The following TRPM2 variants were observed in gnomAD, a reference collection of about 807,000 sequenced individuals.
TRPM2 encodes transient receptor potential cation channel subfamily M member 2.
A neutral mutation model predicts 174.0 loss-of-function variants in TRPM2; 161 were observed. That is an observed-to-expected ratio of 0.93 (90% CI 0.81 to 1.05). The LOEUF (loss-of-function observed/expected upper bound fraction) is 1.05, where lower values mean the gene tolerates loss of function less well. Among genes scored for constraint, TRPM2 ranks in the 50% least tolerant of loss-of-function variants. The pLI is 0.00. For synonymous variants in TRPM2, 954 were observed against 861.3 expected (o/e 1.11, Z -1.88); for missense variants, 2,057 against 2,038.0 (o/e 1.01, Z -0.18).
intron 6 of TRPM2, among the ~76,000 whole-genome samples, chr21:44,377,004 A>G (rs2048722486): frequency 6.6e-6 from 1 of 150,850 alleles, no homozygotes; most frequent in African/African-American, 2.5e-5. Flanking sequence ...TTCAGGGACC[A>G]GGGACCACAC....
Position 44,424,911 on chromosome 21 carries a change from CA to C in TRPM2, c.3610del (p.Ser1204AlafsTer37). On this transcript the variant is annotated frameshift_variant, in exon 24 of 32. Transcript: ENST00000397928. LOFTEE classifies it high-confidence loss of function. ...TGAGGACGCTGCGGGCCAGCGGCTT[CA>C]GCTCGGAGGCGGACGTCCCCACTCT... ...IVRTLRASGF[S>X]SEADVPTLAS... 6.2e-7 allele frequency: 1 copy of C among 1,607,724 alleles called. No individual in the cohort carries two copies. The highest frequency in any genetic ancestry group is 8.5e-7 in the Non-Finnish European group (1 of 1,178,594).
Position 44,391,621 on chromosome 21 carries a change from T to C in TRPM2, c.1790T>C (p.Leu597Pro), listed in dbSNP as rs1490649547. 2 of 1,571,920 alleles carry C rather than the reference T, an allele frequency of 1.3e-6. No homozygotes were observed. The highest frequency in any genetic ancestry group is 1.7e-6 in the Non-Finnish European group (2 of 1,165,598). The change falls in exon 11 of 32, where the codon CTC (leucine) becomes CCC (proline). Residue 597 changes from leucine (L) to proline (P), a missense_variant. By Grantham distance (98) the Leu-to-Pro change is moderately conservative. Coordinates refer to ENST00000397928, the MANE Select transcript of TRPM2 (RefSeq NM_003307.4). This position sits in a 1 kb window ranked among gnomAD's most constrained non-coding sequence, Gnocchi z 5.0. Reference sequence around the variant, plus strand: ...CTGCTGCCCGTTCCCCACGTCAAGCTCAACGTGCGTGCTGGTAACGGGGCC... The same window carrying C: ...CTGCTGCCCGTTCCCCACGTCAAGCCCAACGTGCGTGCTGGTAACGGGGCC... ...RLLLPVPHVK[L>P]NVQGVSLRSL...
chr21:44,372,359 G>T (rs915198569), intron 5 of TRPM2, among the ~76,000 whole-genome samples: 3 of 152,022 alleles, frequency 2.0e-5, no homozygotes, highest in African/African-American at 7.2e-5. Context: ...AGCCGGGCAT[G>T]GTGGTAGGCG....
At chr21:44,408,558 T>C (rs975014813) in intron 19 of TRPM2, among the ~76,000 whole-genome samples, 5 of 151,858 alleles carry the variant, frequency 3.3e-5, no homozygotes, top group African/African-American at 1.2e-4. Context: ...TTGACGGGCA[T>C]TTCTCTAAGG....
chr21:44,396,577 C>A (rs1282402163), intron 12 of TRPM2, among the ~76,000 whole-genome samples: 3 of 17,404 alleles, frequency 1.7e-4, no homozygotes. Flanking sequence ...GGTGTGGAGG[C>A]TGTGGAGGGG....
intron 20 of TRPM2, 34 bp downstream of exon 20, chr21:44,414,108 G>A: frequency 6.3e-7 from 1 of 1,593,596 alleles, no homozygotes; most frequent in Non-Finnish European, 8.6e-7. Flanking sequence ...GTGCAGGTGG[G>A]TGGGTGGGCG....
rs568928112 is a variant in TRPM2 at position 44,366,966 on chromosome 21, C to A, written c.604+32C>A. 7.8e-6 allele frequency: 12 copies of A among 1,544,932 alleles called. No individual in the cohort carries two copies. Among genetic ancestry groups the A allele is most frequent in the Non-Finnish European group, 2.6e-6 (3 of 1,142,740 alleles). ...CGGAGGCTGGAGGGACACGAGGCCCCGGCGGGTGGGGTGGGCTGTGGAGGC... is the reference window on the plus strand; with the variant it reads ...CGGAGGCTGGAGGGACACGAGGCCCAGGCGGGTGGGGTGGGCTGTGGAGGC... On this transcript the variant is annotated intron_variant, in intron 4 of 31. Transcript: ENST00000397928. The surrounding 1 kb of genome is among the most constrained non-coding windows in gnomAD (Gnocchi z 6.0).
intron 27 of TRPM2, 147 bp from the exon 28 acceptor site, chr21:44,434,984 G>A: frequency 1.4e-6 from 1 of 730,208 alleles, no homozygotes; most frequent in South Asian, 1.8e-5. Context: ...TACTCCCTAG[G>A]CCAGAGCAGG....
At chr21:44,353,951 G>T in intron 1 of TRPM2, 86 bp downstream of exon 1, 1 of 1,486,984 alleles carries the variant, frequency 6.7e-7, no homozygotes, top group East Asian at 2.7e-5. Flanking sequence ...CTGTGACGAC[G>T]GGGGTGGGAA....
chr21:44,441,674 G>A lies in TRPM2; in HGVS notation c.4387-18G>A. 6.2e-7 allele frequency: 1 copy of A among 1,601,468 alleles called. No individual in the cohort carries two copies. The highest frequency in any genetic ancestry group is 1.3e-5 in the African/African-American group (1 of 74,976). ...GCAGGGCTGGCGGGGAGGGTCAGCT[G>A]TGCCCTTGTTCTTCCAGAACCTGCA... On this transcript the variant is annotated intron_variant, in intron 31 of 31. Coordinates refer to ENST00000397928, the MANE Select transcript of TRPM2 (RefSeq NM_003307.4).
At chr21:44,398,536 G>C (rs2146270952) in intron 13 of TRPM2, among the ~76,000 whole-genome samples, 1 of 151,792 alleles carries the variant, frequency 6.6e-6, no homozygotes, top group East Asian at 1.9e-4. Flanking sequence ...TGGTGGGTAG[G>C]GGGCCAGGCA....
At chr21:44,390,880 C>T (rs775259841) in intron 9 of TRPM2, 24 bp from the exon 10 acceptor site, 24 of 1,613,646 alleles carry the variant, frequency 1.5e-5, no homozygotes, top group Non-Finnish European at 2.0e-5. Context: ...GATCGAGGCC[C>T]AATATGCACC....
At position 44,391,089 on chromosome 21, in the gene TRPM2, C is replaced by T; in HGVS notation, c.1440+64C>T. 6.2e-7 allele frequency: 1 copy of T among 1,603,808 alleles called. No homozygotes were observed. The highest frequency in any genetic ancestry group is 2.2e-5 in the East Asian group (1 of 44,686). ...GCCCACATGCATTGCACCACTGAAG[C>T]AAGGGCAGGCAAAGTTCGCATTGTC... On this transcript the variant is annotated intron_variant, in intron 10 of 31. Coordinates refer to ENST00000397928, the MANE Select transcript of TRPM2 (RefSeq NM_003307.4). The surrounding 1 kb of genome is among the most constrained non-coding windows in gnomAD (Gnocchi z 5.0).
In TRPM2 at chr21:44,418,099, A is replaced by C. The variant is rs931513249; in HGVS notation, c.3319A>C (p.Lys1107Gln). 6.2e-7 allele frequency: 1 copy of C among 1,611,120 alleles called. No individual in the cohort carries two copies. The highest frequency in any genetic ancestry group is 1.3e-5 in the African/African-American group (1 of 74,920). The change falls in exon 21 of 32, where the codon AAG (lysine) becomes CAG (glutamine). Residue 1107 changes from lysine to glutamine, a missense_variant. Transcript: ENST00000397928. ...CCTGAAGACTCCGGCCAAGAGGCAC[A>C]AGCAGCTCAGTATGCCAGCCCCAGT... Reference protein sequence around the residue: ...VVLKTPAKRHKQLKNKLEKNE... With the variant: ...VVLKTPAKRHQQLKNKLEKNE...
chr21:44,426,582 A>G, intron 25 of TRPM2, 78 bp from the exon 26 acceptor site: 1 of 1,458,562 alleles, frequency 6.9e-7, no homozygotes, highest in Admixed American at 1.7e-5. Context: ...CCAGCTGAGC[A>G]GCCCTTTCAC....
intron 19 of TRPM2, among the ~76,000 whole-genome samples, chr21:44,413,304 C>T (rs1429007712): frequency 1.3e-5 from 2 of 149,212 alleles, no homozygotes; most frequent in East Asian, 2.0e-4. Flanking sequence ...AATGAGGCAA[C>T]CTCGGCTCAC....
At position 44,413,392 on chromosome 21, in the gene TRPM2, G is replaced by A. The variant is rs45448999; in HGVS notation, c.2963-499G>A. The stretch of plus-strand genomic sequence containing the variant: ...CGAGTAGCTGGGATTATAGGCGCCC[G>A]CCACCATGCCTGGCTAATTTTTGTA... On this transcript the variant is annotated intron_variant, in intron 19 of 31. Coordinates refer to ENST00000397928, the MANE Select transcript of TRPM2 (RefSeq NM_003307.4). Among the ~76,000 whole-genome samples, 771 of 151,994 alleles carry A rather than the reference G, an allele frequency of 5.1e-3. 9 individuals carry two copies. The highest frequency in any genetic ancestry group is 0.016 in the African/African-American group (679 of 41,450).
intron 2 of TRPM2, among the ~76,000 whole-genome samples, chr21:44,360,813 T>C (rs1444725323): frequency 1.3e-5 from 2 of 152,088 alleles, no homozygotes; most frequent in African/African-American, 4.8e-5. Flanking sequence ...CTGATCTGCC[T>C]GCCTCGGCCT....
intron 13 of TRPM2, among the ~76,000 whole-genome samples, chr21:44,398,604 C>T (rs565489985): frequency 1.3e-5 from 2 of 152,214 alleles, no homozygotes; most frequent in African/African-American, 4.8e-5. Flanking sequence ...AAAGTGGGTT[C>T]TTCTCACTGT....
Sources: allele counts gnomAD v4.1 joint callset (sites outside exome capture counted in the v4.1 genomes callset), GRCh38; gene constraint gnomAD v4.1.1; non-coding constraint Gnocchi (gnomAD v3.1); transcripts MANE v1.5; gene names NCBI Gene and HGNC (gene_info 2026-07-23, HGNC 2026-07-21).